Variants in TYW3 observed in about 807,000 individuals in gnomAD.
TYW3 encodes tRNA wybutosine-synthesizing protein 3 homolog.
In TYW3, 26 loss-of-function variants were observed where a neutral mutation model predicts 23.1. That is an observed-to-expected ratio of 1.13 (90% CI 0.83 to 1.56). The LOEUF (loss-of-function observed/expected upper bound fraction) is 1.56, where lower values mean the gene tolerates loss of function less well. TYW3 is among the 40% of genes most tolerant of loss of function. TYW3 has a pLI of 0.00. For synonymous variants in TYW3, 102 were observed against 105.7 expected (o/e 0.97, Z 0.21); for missense variants, 316 against 311.9 (o/e 1.01, Z -0.10).
chr1:74,733,687 C>A (rs555850210), intron 1 of TYW3, among the ~76,000 whole-genome samples: 22 of 152,256 alleles, frequency 1.4e-4, no homozygotes, highest in African/African-American at 5.1e-4. Context: ...CTAACAAGTG[C>A]CCAAATGATG....
Position 74,736,642 on chromosome 1 carries a change from T to A in TYW3, c.255+20T>A, listed in dbSNP as rs550389549. On this transcript the variant is annotated intron_variant, in intron 2 of 5. Coordinates refer to ENST00000370867, the MANE Select transcript of TYW3 (RefSeq NM_138467.3). ...GATGTGGTAAGTTTTAAAAAATAAA[T>A]TTGGAAATAAACTTTTAAATTCAGT... is the stretch of plus-strand genomic sequence containing the variant. 6.4e-7 allele frequency: 1 copy of A among 1,560,720 alleles called. No homozygotes were observed. The highest frequency in any genetic ancestry group is 8.7e-7 in the Non-Finnish European group (1 of 1,150,674).
At chr1:74,746,529 A>G (rs1648571849) in intron 3 of TYW3, among the ~76,000 whole-genome samples, 1 of 152,224 alleles carries the variant, frequency 6.6e-6, no homozygotes, top group South Asian at 2.1e-4. Flanking sequence ...CTAACATTTC[A>G]GGGAGCTAAT....
At chr1:74,746,161 G>A (rs1425627709) in intron 3 of TYW3, among the ~76,000 whole-genome samples, 1 of 152,192 alleles carries the variant, frequency 6.6e-6, no homozygotes, top group Non-Finnish European at 1.5e-5. Flanking sequence ...GAGCCATGTG[G>A]ACTGAGGACA....
chr1:74,761,465 A>G (rs889632860), intron 5 of TYW3, among the ~76,000 whole-genome samples: 1 of 150,688 alleles, frequency 6.6e-6, no homozygotes, highest in Non-Finnish European at 1.5e-5. Flanking sequence ...CTTATCTTTC[A>G]TTTTCTAGGA....
Position 74,736,635 on chromosome 1 carries a change from A to C in TYW3, c.255+13A>C, listed in dbSNP as rs1255323649. 1 of 1,571,062 alleles carries C rather than the reference A, an allele frequency of 6.4e-7. No individual in the cohort carries two copies. The highest frequency in any genetic ancestry group is 8.6e-7 in the Non-Finnish European group (1 of 1,158,932). ...AAAAGATGATGTGGTAAGTTTTAAA[A>C]AATAAATTTGGAAATAAACTTTTAA... On this transcript the variant is annotated intron_variant, in intron 2 of 5. Coordinates refer to ENST00000370867, the MANE Select transcript of TYW3 (RefSeq NM_138467.3).
chr1:74,741,508 T>C (rs550614135), intron 3 of TYW3, among the ~76,000 whole-genome samples: 2 of 152,132 alleles, frequency 1.3e-5, no homozygotes, highest in Non-Finnish European at 2.9e-5. Context: ...CCGAGTATGG[T>C]CCTTCCCACA....
chr1:74,740,328 C>T (rs774119470), intron 3 of TYW3, among the ~76,000 whole-genome samples: 1 of 152,192 alleles, frequency 6.6e-6, no homozygotes, highest in Non-Finnish European at 1.5e-5. Flanking sequence ...AGAAATGAAG[C>T]CGCAGACTTC....
chr1:74,741,357 G>A (rs1013825242), intron 3 of TYW3, among the ~76,000 whole-genome samples: 2 of 152,054 alleles, frequency 1.3e-5, no homozygotes, highest in Non-Finnish European at 2.9e-5. Flanking sequence ...CAGGTGTATC[G>A]AGGCTGGTCT....
intron 1 of TYW3, among the ~76,000 whole-genome samples, chr1:74,734,745 A>G (rs913516608): frequency 1.3e-5 from 2 of 152,188 alleles, no homozygotes; most frequent in African/African-American, 4.8e-5. Flanking sequence ...TTCCTGTTCT[A>G]TGAACTGAGG....
Position 74,765,627 on chromosome 1 carries a change from G to GATAA in TYW3, c.*1517_*1520dup, listed in dbSNP as rs1282694308. Reference sequence around the variant, plus strand: ...GGCAGTGCAGTAAATGAAAAGAGAAGATAAATGAATAAAAAAAAAAGTTAT... The same window carrying GATAA: ...GGCAGTGCAGTAAATGAAAAGAGAAGATAAATAAATGAATAAAAAAAAAAGTTAT... On this transcript the variant is annotated 3_prime_UTR_variant, in exon 6 of 6. Coordinates refer to ENST00000370867, the MANE Select transcript of TYW3 (RefSeq NM_138467.3). 6.6e-6 allele frequency: 1 copy of GATAA among 151,788 alleles called. No homozygotes were observed. The highest frequency in any genetic ancestry group is 1.5e-5 in the Non-Finnish European group (1 of 67,924). 9.4% of individuals were successfully genotyped at this position (151,788 alleles called of 1,614,324 possible).
intron 3 of TYW3, among the ~76,000 whole-genome samples, chr1:74,746,880 G>T (rs1648582377): frequency 1.3e-5 from 2 of 152,160 alleles, no homozygotes; most frequent in Admixed American, 6.5e-5. Flanking sequence ...AGCATTGAAT[G>T]GAAACAGGAT....
chr1:74,743,253 A>G (rs1457932267), intron 3 of TYW3, among the ~76,000 whole-genome samples: 1 of 152,048 alleles, frequency 6.6e-6, no homozygotes, highest in Non-Finnish European at 1.5e-5. Context: ...TCTCTGAACC[A>G]TCAAGGTTTG....
Position 74,733,234 on chromosome 1 carries a change from G to C in TYW3, c.-11G>C. On this transcript the variant is annotated 5_prime_UTR_variant, in exon 1 of 6. Transcript: ENST00000370867. ...TGAAGGAGCCGAGCGCAGACCCTGAGTCCGTCACCCATGGATCGCAGCGCG... is the reference window on the plus strand; with the variant it reads ...TGAAGGAGCCGAGCGCAGACCCTGACTCCGTCACCCATGGATCGCAGCGCG... 6.2e-7 allele frequency: 1 copy of C among 1,613,626 alleles called. No individual in the cohort carries two copies. The highest frequency in any genetic ancestry group is 1.3e-5 in the African/African-American group (1 of 75,072).
intron 3 of TYW3, among the ~76,000 whole-genome samples, chr1:74,746,488 CTCT>C (rs1185662931): frequency 6.6e-6 from 1 of 152,210 alleles, no homozygotes; most frequent in Non-Finnish European, 1.5e-5. Flanking sequence ...CCCAGCCATG[CTCT>C]TCTTTGGGCC....
intron 3 of TYW3, among the ~76,000 whole-genome samples, chr1:74,746,488 C>T (rs1256949352): frequency 6.6e-6 from 1 of 152,210 alleles, no homozygotes; most frequent in East Asian, 1.9e-4. Flanking sequence ...CCCAGCCATG[C>T]TCTTCTTTGG....
At chr1:74,747,201 GC>G (rs1284582414) in intron 3 of TYW3, among the ~76,000 whole-genome samples, 2 of 152,194 alleles carry the variant, frequency 1.3e-5, no homozygotes, top group Non-Finnish European at 2.9e-5. Context: ...AGTGGATGTG[GC>G]AAGAGCTGGA....
At chr1:74,733,594 C>T (rs1056523681) in intron 1 of TYW3, 176 bp downstream of exon 1, 23 of 973,888 alleles carry the variant, frequency 2.4e-5, no homozygotes, top group Non-Finnish European at 2.8e-5. Context: ...AAAAGTTTAA[C>T]GTGGCTATTA....
At chr1:74,744,220 A>T (rs1648468622) in intron 3 of TYW3, among the ~76,000 whole-genome samples, 1 of 152,112 alleles carries the variant, frequency 6.6e-6, no homozygotes, top group East Asian at 1.9e-4. Flanking sequence ...ATAGTTGTGT[A>T]TTCTCCTTCA....
In TYW3 at chr1:74,738,737, A is replaced by G. The variant is rs1390121721; in HGVS notation, c.303A>G (p.Glu101=). ...ATGGTGATGCCACTTTGAAATTTGA[A>G]CCATTTGTTCTTCATGTGCAGTGTC... ...KANGDATLKF[E]PFVLHVQCRQ... The change falls in exon 3 of 6, where the codon GAA becomes GAG. Residue 101 remains glutamate (E), a synonymous_variant. Transcript: ENST00000370867. 6.2e-7 allele frequency: 1 copy of G among 1,611,106 alleles called. No homozygotes were observed. Among genetic ancestry groups the G allele is most frequent in the Admixed American group, 1.7e-5 (1 of 59,992 alleles).
Sources: gnomAD v4.1 joint callset for allele counts (sites outside exome capture counted in the v4.1 genomes callset) on GRCh38, gnomAD v4.1.1 for gene constraint, MANE v1.5 for transcripts, NCBI Gene and HGNC (gene_info 2026-07-23, HGNC 2026-07-21) for gene names.